The following VWDE variants were observed in gnomAD, a reference collection of about 807,000 sequenced individuals.
VWDE encodes the protein von Willebrand factor D and EGF domain-containing protein.
Under a neutral mutation model 178.4 loss-of-function variants are expected in VWDE, and 207 were observed. The observed-to-expected ratio is 1.16, with a 90% CI of 1.04 to 1.30. VWDE has a LOEUF of 1.30. Among genes scored for constraint, VWDE ranks in the 50% most tolerant of loss-of-function variants. The probability of loss-of-function intolerance (pLI) is 0.00; values close to 1 mark genes in which losing one functional copy is unlikely to be tolerated. For synonymous variants in VWDE, 738 were observed against 651.4 expected (o/e 1.13, Z -2.02); for missense variants, 2,287 against 1,901.3 (o/e 1.20, Z -3.77).
At chr7:12,393,110 G>A (rs1247307430) in intron 2 of VWDE, among the ~76,000 whole-genome samples, 2 of 152,110 alleles carry the variant, frequency 1.3e-5, no homozygotes, top group East Asian at 1.9e-4. Flanking sequence ...TGCTGAGCCC[G>A]TAAGTTTTAC....
intron 9 of VWDE, 148 bp from the exon 10 acceptor site, chr7:12,373,395 C>T (rs1334428128): frequency 1.1e-5 from 9 of 793,284 alleles, no homozygotes; most frequent in Non-Finnish European, 1.8e-5. Flanking sequence ...CAATCTCTCC[C>T]ACTACTCCTT....
Position 12,370,828 on chromosome 7 carries a change from G to C in VWDE, c.1624C>G (p.Leu542Val). ...FSSGAFIRAD[L>V]GEWGMSLTIR... Reference sequence around the variant, plus strand: ...GTTAGACTCATGCCCCATTCACCAAGATCAGCACGGATAAATGCCCCAGAA... The same window carrying C: ...GTTAGACTCATGCCCCATTCACCAACATCAGCACGGATAAATGCCCCAGAA... Residue 542 changes from leucine to valine, a missense_variant, in exon 11 of 29, where the codon CTT becomes GTT. Coordinates refer to ENST00000275358, the MANE Select transcript of VWDE (RefSeq NM_001135924.3). 6.5e-7 allele frequency: 1 copy of C among 1,547,842 alleles called. No homozygotes were observed. Among genetic ancestry groups the C allele is most frequent in the Non-Finnish European group, 8.7e-7 (1 of 1,145,730 alleles).
intron 15 of VWDE, 136 bp downstream of exon 15, chr7:12,361,011 A>G (rs1490607066): frequency 9.2e-6 from 5 of 543,774 alleles, no homozygotes; most frequent in Non-Finnish European, 1.6e-5. Context: ...CAGTTAACTT[A>G]TATAAACTTG....
chr7:12,370,815 C>G lies in VWDE; in HGVS notation c.1637G>C (p.Gly546Ala). The change falls in exon 11 of 29, where the codon GGC becomes GCC. Residue 546 changes from glycine (G) to alanine (A), a missense_variant. By Grantham distance (60) the Gly-to-Ala change is moderately conservative (BLOSUM62 0). Coordinates refer to ENST00000275358, the MANE Select transcript of VWDE (RefSeq NM_001135924.3). Reference protein sequence around the residue: ...AFIRADLGEWGMSLTIRAPSV... With the variant: ...AFIRADLGEWAMSLTIRAPSV... Reference sequence around the variant, plus strand: ...AGGGGCTCTGATCGTTAGACTCATGCCCCATTCACCAAGATCAGCACGGAT... The same window carrying G: ...AGGGGCTCTGATCGTTAGACTCATGGCCCATTCACCAAGATCAGCACGGAT... 6.4e-7 allele frequency: 1 copy of G among 1,550,948 alleles called. No individual in the cohort carries two copies. The highest frequency in any genetic ancestry group is 8.7e-7 in the Non-Finnish European group (1 of 1,146,594).
intron 7 of VWDE, among the ~76,000 whole-genome samples, chr7:12,377,221 C>T (rs1350960237): frequency 6.6e-6 from 1 of 152,106 alleles, no homozygotes; most frequent in Non-Finnish European, 1.5e-5. Flanking sequence ...TCCATTGACA[C>T]ATATGTGGCC....
rs569196908 is a variant in VWDE, at chr7:12,337,547, T to C, written c.4367-275A>G. Among the ~76,000 whole-genome samples the C allele has an allele frequency of 2.4e-4, 36 of 152,304 alleles. No individual in the cohort carries two copies. In the East Asian group the frequency reaches 6.9e-3, roughly 29 times the overall value. On this transcript the variant is annotated intron_variant, in intron 24 of 28. Transcript: ENST00000275358. Reference sequence around the variant, plus strand: ...TACAATGAATATATTATAAACCTTATGTTTCACTATACAATAAAGCATGGA... The same window carrying C: ...TACAATGAATATATTATAAACCTTACGTTTCACTATACAATAAAGCATGGA...
At position 12,367,501 on chromosome 7, in the gene VWDE, A is replaced by C. The variant is rs1782928022; in HGVS notation, c.2762-8T>G. ...TAATTTCAGGAGCTTTGTCTTTGGAAAAAAAATATAACAAATACTACATAT... is the reference window on the plus strand; with the variant it reads ...TAATTTCAGGAGCTTTGTCTTTGGACAAAAAATATAACAAATACTACATAT... On this transcript the variant is annotated splice_polypyrimidine_tract_variant and splice_region_variant and intron_variant, in intron 12 of 28. Coordinates refer to ENST00000275358, the MANE Select transcript of VWDE (RefSeq NM_001135924.3). 1 of 1,489,112 alleles carries C rather than the reference A, an allele frequency of 6.7e-7. No homozygotes were observed. The highest frequency in any genetic ancestry group is 1.4e-5 in the South Asian group (1 of 72,540). 92.2% of individuals were successfully genotyped at this position (1,489,112 alleles called of 1,614,324 possible).
intron 6 of VWDE, among the ~76,000 whole-genome samples, chr7:12,379,035 C>T (rs956197380): frequency 1.3e-5 from 2 of 152,146 alleles, no homozygotes; most frequent in African/African-American, 2.4e-5. Context: ...TTGCCACCAG[C>T]AACAACCAAA....
At position 12,336,869 on chromosome 7, in the gene VWDE, T is replaced by A. The variant is rs900873484; in HGVS notation, c.4558+119A>T. 3 of 909,706 alleles carry A rather than the reference T, an allele frequency of 3.3e-6. No individual in the cohort carries two copies. The African/African-American group carries it at 5.1e-5, about 15-fold the overall frequency. 56.4% of individuals were successfully genotyped at this position (909,706 alleles called of 1,614,324 possible). A position where few individuals can be genotyped will look rare whatever the true frequency, so the allele number is the denominator to read the frequency against. ...AGGTATCTCCTAAAGCAAGAATAAATATGCAAAAATTTTAAAAAGACCAAG... is the reference window on the plus strand; with the variant it reads ...AGGTATCTCCTAAAGCAAGAATAAAAATGCAAAAATTTTAAAAAGACCAAG... On this transcript the variant is annotated intron_variant, in intron 26 of 28. Coordinates refer to ENST00000275358, the MANE Select transcript of VWDE (RefSeq NM_001135924.3).
chr7:12,343,254 C>T, intron 21 of VWDE, 76 bp from the exon 22 acceptor site: 1 of 1,057,876 alleles, frequency 9.5e-7, no homozygotes, highest in Non-Finnish European at 1.4e-6. Context: ...AGCACTGTCA[C>T]AATAAAATCT....
intron 7 of VWDE, among the ~76,000 whole-genome samples, chr7:12,375,730 A>T (rs1783492377): frequency 6.6e-6 from 1 of 152,042 alleles, no homozygotes; most frequent in Non-Finnish European, 1.5e-5. Context: ...AAATAGACAA[A>T]TCACAACAAA....
At chr7:12,343,203 T>C in intron 21 of VWDE, 25 bp from the exon 22 acceptor site, 1 of 1,501,192 alleles carries the variant, frequency 6.7e-7, no homozygotes, top group East Asian at 2.5e-5. Flanking sequence ...TATGTTATTA[T>C]GTCAGTTCTT....
intron 15 of VWDE, 84 bp downstream of exon 15, chr7:12,361,063 A>G (rs1782547521): frequency 1.2e-6 from 1 of 851,294 alleles, no homozygotes; most frequent in African/African-American, 1.8e-5. Flanking sequence ...ATAAAAGTGA[A>G]AAAACTACAA....
rs1279844974 is a variant in VWDE, at chr7:12,367,438, T to C, written c.2817A>G (p.Lys939=). Residue 939 remains lysine (K), a synonymous_variant, in exon 13 of 29, where the codon AAA becomes AAG. Transcript: ENST00000275358. ...LGNAGFCDVQ[K]YNCMMVRVFG... ...AAACTCTCACCATCATACAATTATATTTTTGAACATCACAGAATCCAGCAT... is the reference window on the plus strand; with the variant it reads ...AAACTCTCACCATCATACAATTATACTTTTGAACATCACAGAATCCAGCAT... 3.9e-6 allele frequency: 6 copies of C among 1,546,566 alleles called. No individual in the cohort carries two copies. In the Admixed American group the frequency reaches 5.9e-5, roughly 15 times the overall value.
At chr7:12,369,051 G>T (rs73678129) in intron 12 of VWDE, among the ~76,000 whole-genome samples, 67 of 152,222 alleles carry the variant, frequency 4.4e-4, no homozygotes, top group African/African-American at 1.5e-3. Context: ...CATATTAAGA[G>T]AAAATATACT....
intron 18 of VWDE, among the ~76,000 whole-genome samples, 200 bp downstream of exon 18, chr7:12,355,911 G>T: frequency 6.6e-6 from 1 of 152,192 alleles, no homozygotes; most frequent in Admixed American, 6.5e-5. Context: ...TATAAAAATT[G>T]GCAAAAATGT....
At chr7:12,390,539 G>A (rs1251867152) in intron 2 of VWDE, among the ~76,000 whole-genome samples, 1 of 151,536 alleles carries the variant, frequency 6.6e-6, no homozygotes, top group African/African-American at 2.4e-5. Flanking sequence ...TGATATATGT[G>A]ATTGAATTAT....
chr7:12,370,741 T>A lies in VWDE; in HGVS notation c.1711A>T (p.Asn571Tyr), dbSNP rs1783144202. The change falls in exon 11 of 29, where the codon AAT (asparagine) becomes TAT (tyrosine). Residue 571 changes from asparagine to tyrosine, a missense_variant. Physicochemically the swap from Asn to Tyr is moderately radical, Grantham distance 143. Transcript: ENST00000275358. Reference protein sequence around the residue: ...TLGLCGTFDENPENDFHDKNG... With the variant: ...TLGLCGTFDEYPENDFHDKNG... Reference sequence around the variant, plus strand: ...TTGTCATGGAAATCATTTTCCGGATTTTCATCAAAGGTTCCACAAAGTCCC... The same window carrying A: ...TTGTCATGGAAATCATTTTCCGGATATTCATCAAAGGTTCCACAAAGTCCC... The A allele has an allele frequency of 6.4e-7, 1 of 1,551,246 alleles. No homozygotes were observed. Among genetic ancestry groups the A allele is most frequent in the South Asian group, 1.2e-5 (1 of 84,058 alleles).
rs529063665 is a variant in VWDE, at chr7:12,339,666, T to G, written c.4366+656A>C. On this transcript the variant is annotated intron_variant, in intron 24 of 28. Transcript: ENST00000275358. ...TAAATTATGGAAATACTCTGACATG[T>G]TCTATAGTAAAAATCTACTCTACAT... Among the ~76,000 whole-genome samples the G allele has an allele frequency of 3.3e-5, 5 of 152,248 alleles. No individual in the cohort carries two copies. In the South Asian group the frequency reaches 1.0e-3, roughly 32 times the overall value.
Sources: allele counts gnomAD v4.1 joint callset (sites outside exome capture counted in the v4.1 genomes callset), GRCh38; gene constraint gnomAD v4.1.1; transcripts MANE v1.5; gene names NCBI Gene and HGNC (gene_info 2026-07-23, HGNC 2026-07-21).